The following CCDC178 variants were observed in gnomAD, a reference collection of about 807,000 sequenced individuals.
The protein encoded by CCDC178 is coiled-coil domain containing 178.
Under a neutral mutation model 117.4 loss-of-function variants are expected in CCDC178, and 126 were observed. The ratio of observed to expected loss-of-function variants is 1.07; its 90% CI spans 0.93 to 1.24. The LOEUF is 1.24. CCDC178 is among the 50% of genes most tolerant of loss of function. The pLI, the probability that CCDC178 is intolerant of heterozygous loss-of-function variation, is 0.00. For missense variants in CCDC178, 1,030 were observed against 986.9 expected (o/e 1.04, Z -0.59); for synonymous variants, 283 against 313.4 (o/e 0.90, Z 1.02).
chr18:33,347,956 A>G (rs1599200416), intron 8 of CCDC178, among the ~76,000 whole-genome samples: 2 of 152,136 alleles, frequency 1.3e-5, no homozygotes, highest in East Asian at 1.9e-4. Flanking sequence ...ATTACAACAA[A>G]TCTTCCTCAT....
chr18:33,347,395 A>AT (rs2062911323), intron 8 of CCDC178, among the ~76,000 whole-genome samples: 1 of 152,276 alleles, frequency 6.6e-6, no homozygotes, highest in African/African-American at 2.4e-5. Flanking sequence ...TACAATCACT[A>AT]TTTTTTAACC....
intron 19 of CCDC178, among the ~76,000 whole-genome samples, chr18:33,212,973 G>T (rs548378207): frequency 6.6e-6 from 1 of 151,804 alleles, no homozygotes; most frequent in Non-Finnish European, 1.5e-5. Flanking sequence ...CAAGTCTACC[G>T]ATACAGAAAA....
chr18:33,310,869 C>T (rs9947306), intron 11 of CCDC178, among the ~76,000 whole-genome samples: 1,779 of 152,276 alleles, frequency 0.012, 45 homozygotes, highest in African/African-American at 0.04. Flanking sequence ...TCCCTGCCTA[C>T]CAATCGCCCT....
intron 6 of CCDC178, among the ~76,000 whole-genome samples, chr18:33,361,291 C>G (rs947254410): frequency 3.3e-5 from 5 of 151,544 alleles, no homozygotes; most frequent in African/African-American, 1.2e-4. Flanking sequence ...TTTCTATCAC[C>G]AACAGAATGA....
At position 33,205,143 on chromosome 18, in the gene CCDC178, G is replaced by A. The variant is rs552369262; in HGVS notation, c.2238+6753C>T. Among the ~76,000 whole-genome samples, 3 of 152,084 alleles carry A rather than the reference G, an allele frequency of 2.0e-5. No homozygotes were observed. The South Asian group carries it at 6.2e-4, about 32-fold the overall frequency. On this transcript the variant is annotated intron_variant, in intron 20 of 22. Transcript: ENST00000383096. The stretch of plus-strand genomic sequence containing the variant: ...ACAGCAATAAAATTAAATGACAATA[G>A]TATACATACCAAAAAATAACAATGA...
intron 22 of CCDC178, among the ~76,000 whole-genome samples, chr18:32,950,798 T>C (rs2054465536): frequency 6.6e-6 from 1 of 152,212 alleles, no homozygotes; most frequent in South Asian, 2.1e-4. Flanking sequence ...AGGAAGCATA[T>C]TAAAAGGTAA....
chr18:33,115,759 C>T (rs2057849090), intron 20 of CCDC178, among the ~76,000 whole-genome samples: 1 of 151,988 alleles, frequency 6.6e-6, no homozygotes, highest in Non-Finnish European at 1.5e-5. Flanking sequence ...CCCAGATGTG[C>T]TCCTGCACAT....
chr18:32,944,490 T>C (rs2054303485), intron 22 of CCDC178, among the ~76,000 whole-genome samples: 1 of 152,198 alleles, frequency 6.6e-6, no homozygotes, highest in South Asian at 2.1e-4. Flanking sequence ...GTAGTACATA[T>C]TAATTGAGAT....
Position 33,293,254 on chromosome 18 carries a change from C to T in CCDC178, c.1081G>A (p.Val361Ile), listed in dbSNP as rs753584292. The T allele has an allele frequency of 1.4e-5, 22 of 1,553,996 alleles. No individual in the cohort carries two copies. In the East Asian group the frequency reaches 4.7e-4, roughly 34 times the overall value. The change falls in exon 12 of 23, where the codon GTT (valine) becomes ATT (isoleucine). Residue 361 changes from valine to isoleucine, a missense_variant. By Grantham distance (29) the Val-to-Ile change is conservative (BLOSUM62 3). Coordinates refer to ENST00000383096, the MANE Select transcript of CCDC178 (RefSeq NM_001105528.4). ...TCCTTCTCCTCAATATTAGTATTAA[C>T]ATTTATCACTGATGAAGAGTAATGA... Reference protein sequence around the residue: ...FDHYSSSVINVNTNIEEKEEE... With the variant: ...FDHYSSSVININTNIEEKEEE...
At chr18:33,048,870 T>C (rs887676888) in intron 21 of CCDC178, among the ~76,000 whole-genome samples, 2 of 152,198 alleles carry the variant, frequency 1.3e-5, no homozygotes, top group South Asian at 2.1e-4. Flanking sequence ...TTTAACTTTA[T>C]AGGCATTTTC....
At chr18:33,205,911 C>T (rs1443872028) in intron 20 of CCDC178, among the ~76,000 whole-genome samples, 1 of 152,128 alleles carries the variant, frequency 6.6e-6, no homozygotes, top group African/African-American at 2.4e-5. Flanking sequence ...CCAGGCTGGT[C>T]TCCAACTCCT....
chr18:33,195,375 G>T lies in CCDC178; in HGVS notation c.2238+16521C>A, dbSNP rs2058918861. Among the ~76,000 whole-genome samples the T allele has an allele frequency of 2.0e-5, 3 of 151,976 alleles. No individual in the cohort carries two copies. The South Asian group carries it at 6.2e-4, about 32-fold the overall frequency. ...GCCACACTGAGAAAATTTGATAGGAGAAAGGACCAGTAGTGATACAAAAGT... is the reference window on the plus strand; with the variant it reads ...GCCACACTGAGAAAATTTGATAGGATAAAGGACCAGTAGTGATACAAAAGT... On this transcript the variant is annotated intron_variant, in intron 20 of 22. Coordinates refer to ENST00000383096, the MANE Select transcript of CCDC178 (RefSeq NM_001105528.4).
At chr18:32,952,204 C>T (rs532493766) in intron 22 of CCDC178, among the ~76,000 whole-genome samples, 2 of 152,318 alleles carry the variant, frequency 1.3e-5, no homozygotes, top group South Asian at 4.1e-4. Flanking sequence ...TAGGCAGTGC[C>T]CCAGTGGGGA....
chr18:33,020,383 C>T (rs962776964), intron 21 of CCDC178, among the ~76,000 whole-genome samples: 1 of 151,948 alleles, frequency 6.6e-6, no homozygotes, highest in African/African-American at 2.4e-5. Flanking sequence ...AGCTGACAAA[C>T]GATTTCAGAA....
At chr18:32,991,652 A>G (rs971863857) in intron 21 of CCDC178, among the ~76,000 whole-genome samples, 3 of 152,268 alleles carry the variant, frequency 2.0e-5, no homozygotes, top group Middle Eastern at 3.4e-3. Flanking sequence ...CAGTTGCACC[A>G]GCCCCTCATG....
At chr18:33,139,055 C>T (rs2144287203) in intron 20 of CCDC178, among the ~76,000 whole-genome samples, 1 of 152,246 alleles carries the variant, frequency 6.6e-6, no homozygotes, top group South Asian at 2.1e-4. Context: ...CAGGTCTTTC[C>T]TGTGCTGTTC....
intron 21 of CCDC178, among the ~76,000 whole-genome samples, chr18:33,062,679 A>G (rs931925419): frequency 1.3e-5 from 2 of 152,100 alleles, no homozygotes; most frequent in African/African-American, 4.8e-5. Context: ...AGTCCATGTG[A>G]TGGCATTGTT....
chr18:33,042,335 T>C (rs1057203946), intron 21 of CCDC178, among the ~76,000 whole-genome samples: 6 of 151,910 alleles, frequency 3.9e-5, no homozygotes, highest in African/African-American at 1.4e-4. Context: ...TTCAAACTTT[T>C]AGACATGTAT....
intron 5 of CCDC178, among the ~76,000 whole-genome samples, chr18:33,372,474 C>T (rs1467783849): frequency 6.6e-6 from 1 of 152,024 alleles, no homozygotes; most frequent in African/African-American, 2.4e-5. Flanking sequence ...ATATTTTTCA[C>T]CTAAAATTCC....
Sources: gnomAD v4.1 joint callset for allele counts (sites outside exome capture counted in the v4.1 genomes callset) on GRCh38, gnomAD v4.1.1 for gene constraint, MANE v1.5 for transcripts, NCBI Gene and HGNC (gene_info 2026-07-23, HGNC 2026-07-21) for gene names.